The following CWC27 variants were observed in gnomAD, a reference collection of about 807,000 sequenced individuals.
CWC27 encodes the protein spliceosome-associated protein CWC27 homolog.
Under a neutral mutation model 63.6 loss-of-function variants are expected in CWC27, and 47 were observed. The observed-to-expected ratio is 0.74, with a 90% confidence interval of 0.58 to 0.94. The LOEUF (loss-of-function observed/expected upper bound fraction) is 0.94. Ranked by LOEUF, CWC27 falls within the 40% of genes least tolerant of loss-of-function variation. The pLI, the probability that CWC27 is intolerant of heterozygous loss-of-function variation, is 0.00. For synonymous variants in CWC27, 175 were observed against 179.8 expected, an observed-to-expected ratio of 0.97 and a Z score of 0.22; for missense variants, 495 against 554.3, an observed-to-expected ratio of 0.89 and a Z score of 1.07.
chr5:64,863,433 C>A (rs1280155074), intron 10 of CWC27, among the ~76,000 whole-genome samples: 2 of 151,930 alleles, frequency 1.3e-5, no homozygotes, highest in East Asian at 3.9e-4. Context: ...CCCTCCCCAC[C>A]TTTCCTCTCC....
At chr5:65,007,010 GAA>G (rs144215294) in intron 13 of CWC27, among the ~76,000 whole-genome samples, 1 of 138,416 alleles carries the variant, frequency 7.2e-6, no homozygotes, top group Non-Finnish European at 1.6e-5. Flanking sequence ...AAGAAAGAAA[GAA>G]AGAAAGAAAG....
chr5:64,966,237 C>G (rs1431507), intron 11 of CWC27, among the ~76,000 whole-genome samples: 69,125 of 151,690 alleles, frequency 0.46, 15,913 homozygotes, highest in African/African-American at 0.5. Context: ...AAGAAATTCC[C>G]TTATATGAAA....
chr5:64,769,227 C>T (rs752418945), intron 1 of CWC27, 39 bp downstream of exon 1: 3 of 1,600,366 alleles, frequency 1.9e-6, no homozygotes, highest in Non-Finnish European at 2.6e-6. Context: ...TCCTGGGATC[C>T]CCAAAGTGAG....
intron 11 of CWC27, among the ~76,000 whole-genome samples, chr5:64,961,907 T>C (rs1191379764): frequency 6.6e-6 from 1 of 152,198 alleles, no homozygotes; most frequent in Non-Finnish European, 1.5e-5. Flanking sequence ...TTTAATTCCA[T>C]CCTTCATTAC....
intron 13 of CWC27, among the ~76,000 whole-genome samples, chr5:64,979,827 A>G (rs549808183): frequency 9.8e-5 from 15 of 152,342 alleles, no homozygotes; most frequent in African/African-American, 3.1e-4. Flanking sequence ...TTTTCTGTCA[A>G]GATAGAAACC....
At chr5:64,982,465 G>C (rs7729003) in intron 13 of CWC27, among the ~76,000 whole-genome samples, 283 of 151,804 alleles carry the variant, frequency 1.9e-3, no homozygotes, top group African/African-American at 6.5e-3. Flanking sequence ...TAAGACCACA[G>C]GCATACACCA....
intron 13 of CWC27, among the ~76,000 whole-genome samples, chr5:65,008,590 G>T (rs1046664298): frequency 1.1e-4 from 16 of 152,160 alleles, no homozygotes; most frequent in African/African-American, 3.6e-4. Context: ...AATATAGGTG[G>T]ATATTTACAT....
chr5:65,014,773 T>C (rs1319319022), intron 13 of CWC27, among the ~76,000 whole-genome samples: 2 of 152,224 alleles, frequency 1.3e-5, no homozygotes, highest in Non-Finnish European at 1.5e-5. Context: ...TTTATTATGC[T>C]GAAAATCATA....
At chr5:64,993,614 T>C (rs1704349064) in intron 13 of CWC27, among the ~76,000 whole-genome samples, 2 of 151,772 alleles carry the variant, frequency 1.3e-5, no homozygotes, top group Admixed American at 6.6e-5. Context: ...CTTTTCTATG[T>C]TGGGAATATA....
At chr5:64,793,239 C>T (rs1224937101) in intron 7 of CWC27, among the ~76,000 whole-genome samples, 1 of 152,062 alleles carries the variant, frequency 6.6e-6, no homozygotes, top group Non-Finnish European at 1.5e-5. Context: ...CTCATTATTA[C>T]CCACCAACAA....
chr5:65,005,063 T>TTAG (rs982221944), intron 13 of CWC27, among the ~76,000 whole-genome samples: 6 of 151,522 alleles, frequency 4.0e-5, no homozygotes, highest in Admixed American at 2.6e-4. Flanking sequence ...GCCGCACTTG[T>TTAG]TAGTGTAGGC....
chr5:64,941,652 A>G (rs934893748), intron 11 of CWC27, among the ~76,000 whole-genome samples: 7 of 152,132 alleles, frequency 4.6e-5, no homozygotes, highest in Admixed American at 3.9e-4. Context: ...TTCTGAACAT[A>G]TGTGTATAGA....
chr5:65,018,184 G>C lies in CWC27; in HGVS notation c.1282G>C (p.Asp428His). The change falls in exon 14 of 14, where the codon GAT (aspartate) becomes CAT (histidine). Residue 428 changes from aspartate to histidine, a missense_variant. Physicochemically the swap from Asp to His is moderately conservative, Grantham distance 81. Transcript: ENST00000381070. ...GATGTCACATGTACTTCAGTTTGAGGATAAAAGCAGAAAAGTGAAAGATGC... is the reference window on the plus strand; with the variant it reads ...GATGTCACATGTACTTCAGTTTGAGCATAAAAGCAGAAAAGTGAAAGATGC... The part of the protein sequence containing the change: ...GWMSHVLQFE[D>H]KSRKVKDASM... The C allele has an allele frequency of 6.2e-7, 1 of 1,602,782 alleles. No homozygotes were observed. The highest frequency in any genetic ancestry group is 8.5e-7 in the Non-Finnish European group (1 of 1,176,858).
At chr5:64,810,184 T>C (rs765082507) in intron 10 of CWC27, among the ~76,000 whole-genome samples, 5 of 152,204 alleles carry the variant, frequency 3.3e-5, no homozygotes, top group Admixed American at 6.5e-5. Flanking sequence ...TTGACACCTT[T>C]GTTGAAAATC....
chr5:64,903,867 G>A (rs1278731893), intron 11 of CWC27, among the ~76,000 whole-genome samples: 1 of 152,036 alleles, frequency 6.6e-6, no homozygotes, highest in African/African-American at 2.4e-5. Flanking sequence ...CTGCCTTAAT[G>A]TTTTCAGAGT....
intron 11 of CWC27, among the ~76,000 whole-genome samples, chr5:64,899,017 A>G (rs1486396337): frequency 6.6e-6 from 1 of 152,178 alleles, no homozygotes; most frequent in Non-Finnish European, 1.5e-5. Context: ...AGCTGTAAAA[A>G]AGGCTGAGAA....
At chr5:64,956,696 A>G (rs371835526) in intron 11 of CWC27, among the ~76,000 whole-genome samples, 1 of 152,124 alleles carries the variant, frequency 6.6e-6, no homozygotes, top group Non-Finnish European at 1.5e-5. Context: ...CCTACGCATA[A>G]TAGTACCACC....
At chr5:64,800,214 C>G in intron 7 of CWC27, 34 bp from the exon 8 acceptor site, 1 of 1,362,530 alleles carries the variant, frequency 7.3e-7, no homozygotes. Context: ...CTGTTTATTT[C>G]CCCCCTCATG....
Position 64,844,642 on chromosome 5 carries a change from A to T in CWC27, c.938+40256A>T, listed in dbSNP as rs146951356. Among the ~76,000 whole-genome samples the T allele has an allele frequency of 1.7e-3, 259 of 152,340 alleles. 1 individual carries two copies. Among genetic ancestry groups the T allele is most frequent in the African/African-American group, 6.1e-3 (255 of 41,584 alleles). On this transcript the variant is annotated intron_variant, in intron 10 of 13. Coordinates refer to ENST00000381070, the MANE Select transcript of CWC27 (RefSeq NM_005869.4). ...CCAGGCAGAGAGACTCTCCACCTTT[A>T]TGAATTTCAGAGAATTAAATGGTCT...
Sources: allele counts gnomAD v4.1 joint callset (sites outside exome capture counted in the v4.1 genomes callset), GRCh38; gene constraint gnomAD v4.1.1; transcripts MANE v1.5; gene names NCBI Gene and HGNC (gene_info 2026-07-23, HGNC 2026-07-21).